Variants in REC114 observed in about 807,000 individuals in gnomAD.
The protein encoded by REC114 is meiotic recombination protein REC114.
A neutral mutation model predicts 31.3 loss-of-function variants in REC114; 27 were observed. The ratio of observed to expected loss-of-function variants is 0.86; its 90% CI spans 0.64 to 1.19. The LOEUF is 1.19. REC114 is among the 50% of genes most tolerant of loss of function. The pLI, the probability that REC114 is intolerant of heterozygous loss-of-function variation, is 0.00. For synonymous variants in REC114, 134 were observed against 127.7 expected, an observed-to-expected ratio of 1.05 and a Z score of -0.33; for missense variants, 344 against 326.9, an observed-to-expected ratio of 1.05 and a Z score of -0.40.
intron 2 of REC114, among the ~76,000 whole-genome samples, chr15:73,496,521 C>T (rs1021636205): frequency 1.3e-5 from 2 of 150,568 alleles, no homozygotes; most frequent in Non-Finnish European, 3.0e-5. Context: ...GACGTGGTGG[C>T]GGACACCTGT....
chr15:73,490,181 A>G (rs1482935919), intron 2 of REC114, among the ~76,000 whole-genome samples: 1 of 152,210 alleles, frequency 6.6e-6, no homozygotes, highest in African/African-American at 2.4e-5. Flanking sequence ...AAAGACAGAA[A>G]GTTGTCAGTG....
intron 1 of REC114, among the ~76,000 whole-genome samples, chr15:73,467,044 A>G (rs1238467534): frequency 1.3e-5 from 2 of 152,254 alleles, no homozygotes; most frequent in Non-Finnish European, 2.9e-5. Context: ...TTTTGAAACA[A>G]GTGTATGTGC....
chr15:73,544,685 G>A (rs141404398), intron 3 of REC114, among the ~76,000 whole-genome samples: 377 of 152,246 alleles, frequency 2.5e-3, no homozygotes, highest in African/African-American at 8.1e-3. Context: ...AAATGATTTC[G>A]TCTAGCCAAG....
chr15:73,461,922 CTTTTTTTTTT>C (rs961387922), intron 1 of REC114, among the ~76,000 whole-genome samples: 1 of 78,210 alleles, frequency 1.3e-5, no homozygotes, highest in African/African-American at 4.1e-5. Context: ...TTTTTCTTTT[CTTTTTTTTTT>C]TTTTTTTTTT....
intron 3 of REC114, among the ~76,000 whole-genome samples, chr15:73,544,971 A>G (rs1894289463): frequency 6.6e-6 from 1 of 152,186 alleles, no homozygotes; most frequent in Admixed American, 6.5e-5. Context: ...ACTGGGCTCC[A>G]CATTTTCCAG....
chr15:73,511,511 C>T (rs952805152), intron 2 of REC114, among the ~76,000 whole-genome samples: 1 of 151,768 alleles, frequency 6.6e-6, no homozygotes, highest in African/African-American at 2.4e-5. Context: ...GCTCTTGCTT[C>T]TCTAGTTCTT....
chr15:73,526,795 G>A (rs1386502183), intron 2 of REC114, among the ~76,000 whole-genome samples: 5 of 152,074 alleles, frequency 3.3e-5, no homozygotes, highest in African/African-American at 1.2e-4. Context: ...GTCAGATATT[G>A]TGACTTTTAC....
chr15:73,547,202 G>GA (rs1002558722), intron 3 of REC114, among the ~76,000 whole-genome samples: 9 of 151,648 alleles, frequency 5.9e-5, no homozygotes, highest in African/African-American at 9.7e-5. Flanking sequence ...ACTCAATAGG[G>GA]AAAAAAAATC....
At chr15:73,553,933 C>T (rs1894426214) in intron 4 of REC114, among the ~76,000 whole-genome samples, 1 of 152,172 alleles carries the variant, frequency 6.6e-6, no homozygotes, top group African/African-American at 2.4e-5. Flanking sequence ...GCTGTGTGAT[C>T]TCACGGAAGC....
chr15:73,537,789 C>T (rs954683405), intron 2 of REC114, among the ~76,000 whole-genome samples: 4 of 152,172 alleles, frequency 2.6e-5, no homozygotes, highest in Non-Finnish European at 5.9e-5. Flanking sequence ...TGTAAAAAGG[C>T]ATAGAGAAAG....
intron 1 of REC114, among the ~76,000 whole-genome samples, chr15:73,465,824 C>G (rs1483599505): frequency 1.3e-5 from 2 of 151,930 alleles, no homozygotes; most frequent in African/African-American, 4.8e-5. Flanking sequence ...ACTATTTAGC[C>G]CATTGTTTTT....
chr15:73,559,411 T>C (rs1352712749), intron 5 of REC114, among the ~76,000 whole-genome samples: 2 of 152,238 alleles, frequency 1.3e-5, no homozygotes, highest in East Asian at 3.8e-4. Flanking sequence ...CATTCATTGA[T>C]AGCATTGATA....
chr15:73,519,887 GTA>G (rs923739581), intron 2 of REC114, among the ~76,000 whole-genome samples: 1 of 152,168 alleles, frequency 6.6e-6, no homozygotes, highest in Non-Finnish European at 1.5e-5. Context: ...GACAAATACT[GTA>G]TGATTCCTCT....
At chr15:73,511,064 A>G (rs1893757510) in intron 2 of REC114, among the ~76,000 whole-genome samples, 1 of 150,974 alleles carries the variant, frequency 6.6e-6, no homozygotes, top group Non-Finnish European at 1.5e-5. Context: ...CTGTGAATCC[A>G]TCTGGTCCTG....
At chr15:73,496,603 A>G (rs549397495) in intron 2 of REC114, among the ~76,000 whole-genome samples, 43 of 151,120 alleles carry the variant, frequency 2.8e-4, no homozygotes, top group African/African-American at 9.2e-4. Flanking sequence ...CAGTGAGCTG[A>G]GATCACGCAA....
chr15:73,540,925 C>A (rs1894229861), intron 3 of REC114, among the ~76,000 whole-genome samples: 1 of 152,124 alleles, frequency 6.6e-6, no homozygotes, highest in African/African-American at 2.4e-5. Context: ...TATGTATTTT[C>A]ATTTTTTCTT....
rs574042891 is a variant in REC114, at chr15:73,478,062, G to A, written c.249+4141G>A. Among the ~76,000 whole-genome samples, 6 of 151,852 alleles carry A rather than the reference G, an allele frequency of 4.0e-5. No individual in the cohort carries two copies. In the South Asian group the frequency reaches 6.2e-4, roughly 16 times the overall value. On this transcript the variant is annotated intron_variant, in intron 2 of 5. Coordinates refer to ENST00000331090, the MANE Select transcript of REC114 (RefSeq NM_001042367.2). The stretch of plus-strand genomic sequence containing the variant: ...GTGGATCACCTGAGATCAGGAGTTC[G>A]AGACCAGCCTGGCCAACATGGTGAA...
At chr15:73,445,718 T>G (rs1051808617) in intron 1 of REC114, among the ~76,000 whole-genome samples, 3 of 152,128 alleles carry the variant, frequency 2.0e-5, no homozygotes, top group African/African-American at 7.2e-5. Context: ...CAAAGGCTGG[T>G]GGATGGAGCA....
At chr15:73,548,105 A>AAT (rs1894335619) in intron 3 of REC114, among the ~76,000 whole-genome samples, 1 of 152,186 alleles carries the variant, frequency 6.6e-6, no homozygotes, top group African/African-American at 2.4e-5. Context: ...AAAGGACATG[A>AAT]ATAGACACTT....
Sources: allele counts gnomAD v4.1 joint callset (sites outside exome capture counted in the v4.1 genomes callset), GRCh38; gene constraint gnomAD v4.1.1; transcripts MANE v1.5; gene names NCBI Gene and HGNC (gene_info 2026-07-23, HGNC 2026-07-21).